CD7: variants seen among roughly 807,000 people sequenced by gnomAD.
CD7 encodes the protein T-cell antigen CD7.
CD7 carries 19 observed loss-of-function variants against 17.6 expected under a neutral mutation model. That is an observed-to-expected ratio of 1.08 (90% CI 0.75 to 1.58). The LOEUF is 1.58. Ranked by LOEUF, CD7 falls within the 40% of genes most tolerant of loss-of-function variation. The pLI is 0.00. For synonymous variants in CD7, 160 were observed against 159.8 expected (o/e 1.00, Z -0.01); for missense variants, 291 against 327.1 (o/e 0.89, Z 0.85).
At chr17:82,316,480 C>A in intron 2 of CD7, 71 bp from the exon 3 acceptor site, 1 of 1,406,380 alleles carries the variant, frequency 7.1e-7, no homozygotes, top group Non-Finnish European at 9.6e-7. Context: ...GTTTGGGATT[C>A]GGGGCAGGGA....
chr17:82,317,484 AG>A lies in CD7; in HGVS notation c.11del (p.Pro4LeufsTer56). On this transcript the variant is annotated frameshift_variant, in exon 1 of 4. Transcript: ENST00000312648. LOFTEE classifies it high-confidence loss of function. ...GCAGGGGCAGCAGCAGGAGCCTCGG[AG>A]GCCCGGCCATGTTCCCCACACCCAG... MAG[P>X]PRLLLLPLLL... 2 of 1,568,166 alleles carry A rather than the reference AG, an allele frequency of 1.3e-6. No individual in the cohort carries two copies. The highest frequency in any genetic ancestry group is 2.4e-5 in the East Asian group (1 of 42,452).
Position 82,315,915 on chromosome 17 carries a change from C to T in CD7, c.612+280G>A, listed in dbSNP as rs547890406. Reference sequence around the variant, plus strand: ...CTCTGCCCGCACACTCCAACCTGCACGCACAGACCTCAGAGATCCCCCCTC... The same window carrying T: ...CTCTGCCCGCACACTCCAACCTGCATGCACAGACCTCAGAGATCCCCCCTC... On this transcript the variant is annotated intron_variant, in intron 3 of 3. Coordinates refer to ENST00000312648, the MANE Select transcript of CD7 (RefSeq NM_006137.7). 221 of 608,836 alleles carry T rather than the reference C, an allele frequency of 3.6e-4. 4 individuals are homozygous for T. In the South Asian group the frequency reaches 3.9e-3, roughly 11 times the overall value. 37.7% of individuals were successfully genotyped at this position (608,836 alleles called of 1,614,324 possible).
Position 82,316,811 on chromosome 17 carries a change from G to C in CD7, c.253C>G (p.Arg85Gly). ...GVVPTTDRRF[R>G]GRIDFSGSQD... is the part of the protein sequence containing the mutation. ...GACCCTGAGAAGTCGATGCGGCCCC[G>C]GAACCGTCTGTCCGTAGTGGGCACC... Residue 85 changes from arginine to glycine, a missense_variant, in exon 2 of 4, where the codon CGG becomes GGG. Coordinates refer to ENST00000312648, the MANE Select transcript of CD7 (RefSeq NM_006137.7). 2 of 1,613,988 alleles carry C rather than the reference G, an allele frequency of 1.2e-6. No homozygotes were observed. The highest frequency in any genetic ancestry group is 1.7e-6 in the Non-Finnish European group (2 of 1,179,988).
chr17:82,315,490 C>G lies in CD7; in HGVS notation c.613-59G>C, dbSNP rs566263591. ...CCAGCGTGGTGTCCTGGACCCCACC[C>G]CACTCCGGTCAGCTTTCTAATTTTA... is the stretch of plus-strand genomic sequence containing the variant. On this transcript the variant is annotated intron_variant, in intron 3 of 3. Coordinates refer to ENST00000312648, the MANE Select transcript of CD7 (RefSeq NM_006137.7). 5.9e-4 allele frequency: 770 copies of G among 1,308,662 alleles called. 3 individuals are homozygous for G. In the African/African-American group the frequency reaches 9.7e-3, roughly 16 times the overall value. 81.1% of individuals were successfully genotyped at this position (1,308,662 alleles called of 1,614,324 possible).
In CD7 at chr17:82,314,874, G is replaced by A. The variant is rs2051992863; in HGVS notation, c.*447C>T. 5.9e-6 allele frequency: 1 copy of A among 168,854 alleles called. No individual in the cohort carries two copies. The highest frequency in any genetic ancestry group is 1.3e-5 in the Non-Finnish European group (1 of 76,716). 10.5% of individuals were successfully genotyped at this position (168,854 alleles called of 1,614,324 possible). A position where few individuals can be genotyped will look rare whatever the true frequency, so the allele number is the denominator to read the frequency against. ...GGAATAAATGCAGAAGTCAGAAAAG[G>A]AAGCACAGAAGCCTTTATTTCTGGT... On this transcript the variant is annotated 3_prime_UTR_variant, in exon 4 of 4. Transcript: ENST00000312648. This position sits in a 1 kb window ranked among gnomAD's most constrained non-coding sequence, Gnocchi z 6.0.
rs753348369 is a variant in CD7 at position 82,316,306 on chromosome 17, G to A, written c.501C>T (p.Ala167=). The A allele has an allele frequency of 3.8e-6, 6 of 1,570,750 alleles. No homozygotes were observed. The highest frequency in any genetic ancestry group is 4.6e-5 in the East Asian group (2 of 43,012). ...CTGCTGGCGGGTCAGGGAGGGCAGAGGCTGTCTGCGGGTCAGGGAGGGCGG... is the reference window on the plus strand; with the variant it reads ...CTGCTGGCGGGTCAGGGAGGGCAGAAGCTGTCTGCGGGTCAGGGAGGGCGG... ...TGSALPDPQT[A]SALPDPPAAS... is the part of the protein sequence containing the mutation. The change falls in exon 3 of 4, where the codon GCC becomes GCT. Residue 167 remains alanine, a synonymous_variant. Coordinates refer to ENST00000312648, the MANE Select transcript of CD7 (RefSeq NM_006137.7).
Position 82,316,983 on chromosome 17 carries a change from T to C in CD7, c.83-2A>G. ...TGCAGTGGGGAGACTGCTGCACCTC[T>C]GGGGAGGACCTGGGCTGTCACCATC... On this transcript the variant is annotated splice_acceptor_variant, in intron 1 of 3. Coordinates refer to ENST00000312648, the MANE Select transcript of CD7 (RefSeq NM_006137.7). LOFTEE classifies it high-confidence loss of function. 2 of 1,579,802 alleles carry C rather than the reference T, an allele frequency of 1.3e-6. No homozygotes were observed. Among genetic ancestry groups the C allele is most frequent in the Non-Finnish European group, 1.7e-6 (2 of 1,166,488 alleles).
chr17:82,316,166 T>A lies in CD7; in HGVS notation c.612+29A>T, dbSNP rs1423621262. 3 of 1,545,924 alleles carry A rather than the reference T, an allele frequency of 1.9e-6. No homozygotes were observed. In the East Asian group the frequency reaches 7.3e-5, roughly 38 times the overall value. On this transcript the variant is annotated intron_variant, in intron 3 of 3. Coordinates refer to ENST00000312648, the MANE Select transcript of CD7 (RefSeq NM_006137.7). ...TCAGGAGAGGGAACAATCTTTGGGG[T>A]GCAGGTGGCAGCTGGGGCTCACACT...
At position 82,315,097 on chromosome 17, in the gene CD7, G is replaced by A. The variant is rs554444096; in HGVS notation, c.*224C>T. On this transcript the variant is annotated 3_prime_UTR_variant, in exon 4 of 4. Coordinates refer to ENST00000312648, the MANE Select transcript of CD7 (RefSeq NM_006137.7). ...TTCCTCCCGGTGGCGGCGTGGGCTG[G>A]GCAGGGAAGGCTTCCCGGAGGAGGC... is the stretch of plus-strand genomic sequence containing the variant. 22 of 518,618 alleles carry A rather than the reference G, an allele frequency of 4.2e-5. No individual in the cohort carries two copies. Among genetic ancestry groups the A allele is most frequent in the African/African-American group, 3.7e-4 (19 of 52,028 alleles). 32.1% of individuals were successfully genotyped at this position (518,618 alleles called of 1,614,324 possible). A position where few individuals can be genotyped will look rare whatever the true frequency, so the allele number is the denominator to read the frequency against.
intron 1 of CD7, 30 bp downstream of exon 1, chr17:82,317,384 G>C: frequency 1.3e-6 from 2 of 1,540,000 alleles, no homozygotes; most frequent in Non-Finnish European, 8.8e-7. Context: ...CTCTGGAGCT[G>C]TGGCCATGGA....
rs1172203048 is a variant in CD7, at chr17:82,316,373, G to T, written c.434C>A (p.Ala145Asp). 1.9e-6 allele frequency: 3 copies of T among 1,593,020 alleles called. No homozygotes were observed. The highest frequency in any genetic ancestry group is 1.3e-5 in the African/African-American group (1 of 74,460). Reference sequence around the variant, plus strand: ...AGGGAGGGCAGAGGCCCTTGGTGGGGCGTCCGAGCATCTGTGCCATCCTTG... The same window carrying T: ...AGGGAGGGCAGAGGCCCTTGGTGGGTCGTCCGAGCATCTGTGCCATCCTTG... ...QSQGWHRCSDAPPRASALPAP... is the reference protein window; with the variant it reads ...QSQGWHRCSDDPPRASALPAP... Residue 145 changes from alanine (A) to aspartate (D), a missense_variant, in exon 3 of 4, where the codon GCC (alanine) becomes GAC (aspartate). Ala to Asp is a moderately radical substitution (Grantham distance 126). Transcript: ENST00000312648.
At chr17:82,316,566 G>T in intron 2 of CD7, 101 bp downstream of exon 2, 1 of 1,375,082 alleles carries the variant, frequency 7.3e-7, no homozygotes. Flanking sequence ...GAACAGTTCA[G>T]GCACATGTAG....
At position 82,317,548 on chromosome 17, in the gene CD7, G is replaced by C; in HGVS notation, c.-53C>G. 1 of 1,486,448 alleles carries C rather than the reference G, an allele frequency of 6.7e-7. No individual in the cohort carries two copies. The highest frequency in any genetic ancestry group is 1.3e-5 in the South Asian group (1 of 79,628). The allele number at this position is 1,486,448 out of a possible 1,614,324, so 92.1% of individuals were successfully genotyped here. A position where few individuals can be genotyped will look rare whatever the true frequency, so the allele number is the denominator to read the frequency against. On this transcript the variant is annotated 5_prime_UTR_variant, in exon 1 of 4. Transcript: ENST00000312648. ...GGCGAGTGCAGCTGAGCCTCTCTGG[G>C]TCTACAGGACCCCACAGAGAGCAGC...
rs774150692 is a variant in CD7, at chr17:82,315,414, C to A, written c.630G>T (p.Ser210=). Residue 210 remains serine, a synonymous_variant, in exon 4 of 4, where the codon TCG becomes TCT. Coordinates refer to ENST00000312648, the MANE Select transcript of CD7 (RefSeq NM_006137.7). The stretch of plus-strand genomic sequence containing the variant: ...ATGCCGCCGAATTCTTATCCCGCCA[C>A]GAGCACAGTTTCTTTATCTGAAAGA... ...LARTQIKKLC[S]WRDKNSAACV... 2 of 1,613,860 alleles carry A rather than the reference C, an allele frequency of 1.2e-6. No individual in the cohort carries two copies. Among genetic ancestry groups the A allele is most frequent in the African/African-American group, 1.3e-5 (1 of 75,010 alleles).
At chr17:82,317,132 G>C (rs933308690) in intron 1 of CD7, 151 bp from the exon 2 acceptor site, 1 of 736,596 alleles carries the variant, frequency 1.4e-6, no homozygotes, top group African/African-American at 1.8e-5. Context: ...GCATGGAGCA[G>C]ATCTGGGCAC....
intron 2 of CD7, 25 bp downstream of exon 2, chr17:82,316,642 G>T (rs767309357): frequency 1.6e-5 from 25 of 1,601,700 alleles, no homozygotes; most frequent in Non-Finnish European, 1.6e-5. Flanking sequence ...TTGGGAGGGG[G>T]GTCTGGGATG....
Position 82,315,089 on chromosome 17 carries a change from G to A in CD7, c.*232C>T, listed in dbSNP as rs536082468. On this transcript the variant is annotated 3_prime_UTR_variant, in exon 4 of 4. Transcript: ENST00000312648. ...AGTCAGGCTTCCTCCCGGTGGCGGC[G>A]TGGGCTGGGCAGGGAAGGCTTCCCG... 3.5e-5 allele frequency: 17 copies of A among 491,752 alleles called. No individual in the cohort carries two copies. In the Middle Eastern group the frequency reaches 1.7e-3, roughly 49 times the overall value. 30.5% of individuals were successfully genotyped at this position (491,752 alleles called of 1,614,324 possible).
rs775717569 is a variant in CD7 at position 82,316,905 on chromosome 17, G to GC, written c.158dup (p.Leu54ProfsTer110). 1.2e-6 allele frequency: 2 copies of GC among 1,612,434 alleles called. No homozygotes were observed. Among genetic ancestry groups the GC allele is most frequent in the Non-Finnish European group, 1.7e-6 (2 of 1,179,898 alleles). ...GCTGCCTCAGGTAGATCCCACGCAG[G>GC]CCCCCGCTGGTGGAGCAGGTGATGT... On this transcript the variant is annotated frameshift_variant, in exon 2 of 4. Coordinates refer to ENST00000312648, the MANE Select transcript of CD7 (RefSeq NM_006137.7). LOFTEE classifies it high-confidence loss of function.
chr17:82,315,954 T>TGCACACGCGCACACGCGCACACGC, intron 3 of CD7: 1 of 628,696 alleles, frequency 1.6e-6, no homozygotes, highest in Non-Finnish European at 2.8e-6. Flanking sequence ...CACTCACACC[T>TGCACACGCGCACACGCGCACACGC]GCACACGCGC....
Sources: allele counts gnomAD v4.1 joint callset, GRCh38; gene constraint gnomAD v4.1.1; non-coding constraint Gnocchi (gnomAD v3.1); transcripts MANE v1.5; gene names NCBI Gene and HGNC (gene_info 2026-07-23, HGNC 2026-07-21).